The following HMCN2 variants were observed in gnomAD, a reference collection of about 807,000 sequenced individuals.
HMCN2 encodes the protein hemicentin-2.
HMCN2 carries 325 observed loss-of-function variants against 377.5 expected under a neutral mutation model. The observed-to-expected ratio is 0.86, with a 90% CI of 0.79 to 0.94. The LOEUF (loss-of-function observed/expected upper bound fraction) is 0.94. Ranked by LOEUF, HMCN2 falls within the 40% of genes least tolerant of loss-of-function variation. The pLI, the probability that HMCN2 is intolerant of heterozygous loss-of-function variation, is 0.00. For synonymous variants in HMCN2, 2,007 were observed against 2,046.8 expected (o/e 0.98, Z 0.53); for missense variants, 4,543 against 4,725.3 (o/e 0.96, Z 1.13).
chr9:130,288,255 C>T (rs1554928722), intron 4 of HMCN2, among the ~76,000 whole-genome samples: 2 of 152,186 alleles, frequency 1.3e-5, no homozygotes, highest in Non-Finnish European at 2.9e-5. Flanking sequence ...TGGGCAAATC[C>T]ACTACTCCCA....
chr9:130,317,789 A>G (rs1837640187), intron 15 of HMCN2, among the ~76,000 whole-genome samples: 1 of 50,560 alleles, frequency 2.0e-5, no homozygotes, highest in African/African-American at 5.5e-5. Flanking sequence ...CTGTCTCAAA[A>G]CAAACAAACA....
At chr9:130,344,257 G>A (rs1457137046) in intron 25 of HMCN2, among the ~76,000 whole-genome samples, 1 of 152,150 alleles carries the variant, frequency 6.6e-6, no homozygotes, top group African/African-American at 2.4e-5. Context: ...GTGCATGTGT[G>A]TGAGTGTGCG....
chr9:130,427,765 G>T (rs370878827), intron 92 of HMCN2, 146 bp downstream of exon 92: 31 of 1,022,448 alleles, frequency 3.0e-5, no homozygotes, highest in African/African-American at 2.4e-4. Context: ...TCAGCCTGGG[G>T]GTCCCAATGC....
At chr9:130,406,293 G>A in intron 82 of HMCN2, 125 bp downstream of exon 82, 1 of 844,766 alleles carries the variant, frequency 1.2e-6, no homozygotes, top group Non-Finnish European at 1.7e-6. Flanking sequence ...TGTTGGTTCT[G>A]GGTCTTCCAA....
At chr9:130,300,084 C>T (rs1836418521) in intron 8 of HMCN2, among the ~76,000 whole-genome samples, 1 of 152,054 alleles carries the variant, frequency 6.6e-6, no homozygotes, top group African/African-American at 2.4e-5. Context: ...CTCACCCATC[C>T]ACTCACCCAT....
chr9:130,413,150 A>G (rs1014941901), intron 85 of HMCN2, among the ~76,000 whole-genome samples: 5 of 152,120 alleles, frequency 3.3e-5, no homozygotes, highest in African/African-American at 1.2e-4. Flanking sequence ...TGGATTTGTA[A>G]TTGCTAATAT....
chr9:130,413,491 A>G (rs976053215), intron 85 of HMCN2, among the ~76,000 whole-genome samples: 9 of 152,198 alleles, frequency 5.9e-5, no homozygotes, highest in African/African-American at 2.2e-4. Flanking sequence ...ACAAGATGGT[A>G]TAGATGCACT....
At position 130,391,207 on chromosome 9, in the gene HMCN2, C is replaced by T; in HGVS notation, c.9671C>T (p.Ala3224Val). Reference sequence around the variant, plus strand: ...CCTCACTGCACCCCTGCCTCAGTGGCCCCCCGGATCCGGAGCTCGGGCGTG... The same window carrying T: ...CCTCACTGCACCCCTGCCTCAGTGGTCCCCCGGATCCGGAGCTCGGGCGTG... ...RKDFVVAVLVAPRIRSSGVAR... is the reference protein window; with the variant it reads ...RKDFVVAVLVVPRIRSSGVAR... Residue 3224 changes from alanine to valine, a missense_variant, in exon 64 of 98, where the codon GCC becomes GTC. Coordinates refer to ENST00000683500, the MANE Select transcript of HMCN2 (RefSeq NM_001291815.2). The T allele has an allele frequency of 1.0e-6, 1 of 987,914 alleles. No individual in the cohort carries two copies. Among genetic ancestry groups the T allele is most frequent in the Non-Finnish European group, 1.2e-6 (1 of 830,248 alleles). 61.2% of individuals were successfully genotyped at this position (987,914 alleles called of 1,614,324 possible).
At chr9:130,310,144 T>C in intron 15 of HMCN2, 83 bp downstream of exon 15, 4 of 419,106 alleles carry the variant, frequency 9.5e-6, no homozygotes, top group South Asian at 7.5e-5. Flanking sequence ...GAGGGGAAGC[T>C]CTCTCACACA....
At chr9:130,352,385 G>C (rs559213700) in intron 30 of HMCN2, among the ~76,000 whole-genome samples, 2 of 152,382 alleles carry the variant, frequency 1.3e-5, no homozygotes, top group South Asian at 4.1e-4. Context: ...AAAGCGGAGA[G>C]TAGAAAGTGC....
chr9:130,418,650 A>T (rs1843819596), intron 85 of HMCN2, 122 bp from the exon 86 acceptor site: 1 of 780,384 alleles, frequency 1.3e-6, no homozygotes. Flanking sequence ...GAAGGATCCT[A>T]TGCAGTTCTT....
At chr9:130,318,925 G>T (rs1377050925) in intron 15 of HMCN2, among the ~76,000 whole-genome samples, 1 of 152,206 alleles carries the variant, frequency 6.6e-6, no homozygotes, top group Non-Finnish European at 1.5e-5. Context: ...TGCGGGGGCG[G>T]CAATAGAAGG....
chr9:130,277,373 C>A (rs2131240913), intron 1 of HMCN2, among the ~76,000 whole-genome samples: 2 of 152,338 alleles, frequency 1.3e-5, no homozygotes, highest in South Asian at 4.1e-4. Context: ...ATCTCCCTCC[C>A]TCTGCAGGCA....
At chr9:130,285,078 C>T (rs1835346922) in intron 2 of HMCN2, 80 bp from the exon 3 acceptor site, 7 of 442,072 alleles carry the variant, frequency 1.6e-5, no homozygotes, top group Non-Finnish European at 2.9e-5. Flanking sequence ...TCCCTATGCC[C>T]AGTGGTTTTG....
chr9:130,412,737 C>T (rs1340537031), intron 85 of HMCN2, among the ~76,000 whole-genome samples: 6 of 151,930 alleles, frequency 3.9e-5, no homozygotes, highest in African/African-American at 9.7e-5. Flanking sequence ...CCACCACACC[C>T]GACTAATTTT....
In HMCN2 at chr9:130,396,245, C is replaced by T. The variant is rs10125531; in HGVS notation, c.11130C>T (p.Ala3710=). The change falls in exon 73 of 98, where the codon GCC becomes GCT. Residue 3710 remains alanine (A), a synonymous_variant. Transcript: ENST00000683500. ...AGACAGCCCTGCTGCCTTGCCAGGCCGACGGCGTGCCCGCACCCCTCGTGA... is the reference window on the plus strand; with the variant it reads ...AGACAGCCCTGCTGCCTTGCCAGGCTGACGGCGTGCCCGCACCCCTCGTGA... ...VNQTALLPCQ[A]DGVPAPLVSW... 0.038 allele frequency: 48,402 copies of T among 1,286,484 alleles called. 2,354 individuals are homozygous for T. Among genetic ancestry groups the T allele is most frequent in the African/African-American group, 0.23 (14,926 of 65,740 alleles). 79.7% of individuals were successfully genotyped at this position (1,286,484 alleles called of 1,614,324 possible). A position where few individuals can be genotyped will look rare whatever the true frequency, so the allele number is the denominator to read the frequency against.
At chr9:130,289,766 G>A (rs1209566499) in intron 4 of HMCN2, among the ~76,000 whole-genome samples, 1 of 152,140 alleles carries the variant, frequency 6.6e-6, no homozygotes, top group Non-Finnish European at 1.5e-5. Context: ...CTCTGCTAGG[G>A]CGAGTGCCCA....
chr9:130,376,741 T>C, intron 52 of HMCN2, 83 bp downstream of exon 52: 1 of 868,144 alleles, frequency 1.2e-6, no homozygotes, highest in Non-Finnish European at 1.4e-6. Context: ...AGAAAAGGCT[T>C]CCCTTAAAGC....
At position 130,395,985 on chromosome 9, in the gene HMCN2, C is replaced by T. The variant is rs146347918; in HGVS notation, c.10973C>T (p.Thr3658Met). ...TTCCTCCAGCTGCAGGCCCTGAGCA[C>T]GGCTGACAGCGGCGACTACAGCTGC... ...GRFLQLQALSTADSGDYSCTA... is the reference protein window; with the variant it reads ...GRFLQLQALSMADSGDYSCTA... The change falls in exon 72 of 98, where the codon ACG becomes ATG. Residue 3658 changes from threonine to methionine, a missense_variant. Thr to Met is a moderately conservative substitution (Grantham distance 81, BLOSUM62 -1). Around this residue, in one of 5 missense-constraint regions of HMCN2, gnomAD observed 1,073 missense variants for 1,319.5 expected, o/e 0.81. Transcript: ENST00000683500. 233 of 1,287,602 alleles carry T rather than the reference C, an allele frequency of 1.8e-4. 1 individual carries two copies. Among genetic ancestry groups the T allele is most frequent in the Middle Eastern group, 9.7e-4 (3 of 3,086 alleles). 79.8% of individuals were successfully genotyped at this position (1,287,602 alleles called of 1,614,324 possible). A position where few individuals can be genotyped will look rare whatever the true frequency, so the allele number is the denominator to read the frequency against.
Sources: gnomAD v4.1 joint callset for allele counts (sites outside exome capture counted in the v4.1 genomes callset) on GRCh38, gnomAD v4.1.1 for gene constraint, gnomAD v4.1.1 regional missense constraint, MANE v1.5 for transcripts, NCBI Gene and HGNC (gene_info 2026-07-23, HGNC 2026-07-21) for gene names.